Variants in KIAA1328 observed in about 807,000 individuals in gnomAD.
KIAA1328 encodes the protein protein hinderin.
KIAA1328 carries 52 observed loss-of-function variants against 68.1 expected under a neutral mutation model. That is an observed-to-expected ratio of 0.76 (90% CI 0.61 to 0.96). The LOEUF is 0.96. Among genes scored for constraint, KIAA1328 ranks in the 40% least tolerant of loss-of-function variants. The pLI, the probability that KIAA1328 is intolerant of heterozygous loss-of-function variation, is 0.00. For missense variants in KIAA1328, 641 were observed against 677.6 expected, an observed-to-expected ratio of 0.95 and a Z score of 0.60; for synonymous variants, 232 against 239.4, an observed-to-expected ratio of 0.97 and a Z score of 0.28.
intron 6 of KIAA1328, among the ~76,000 whole-genome samples, chr18:36,973,807 GCACATACACACACACACA>G (rs1416109399): frequency 1.2e-5 from 1 of 85,418 alleles, no homozygotes; most frequent in African/African-American, 3.9e-5. Flanking sequence ...TTGTGTGTAC[GCACATACACACACACACA>G]CACATACACA....
chr18:36,987,682 G>A (rs933149946), intron 6 of KIAA1328, among the ~76,000 whole-genome samples: 4 of 151,930 alleles, frequency 2.6e-5, no homozygotes, highest in Non-Finnish European at 5.9e-5. Context: ...GGGGACACAA[G>A]GAGACTTTTA....
chr18:37,088,297 C>G (rs1360108612), intron 7 of KIAA1328, among the ~76,000 whole-genome samples: 1 of 152,056 alleles, frequency 6.6e-6, no homozygotes, highest in Non-Finnish European at 1.5e-5. Flanking sequence ...TATTAATTTT[C>G]AGTGGTTTTA....
chr18:37,028,352 C>T (rs1401489232), intron 6 of KIAA1328, among the ~76,000 whole-genome samples: 1 of 152,012 alleles, frequency 6.6e-6, no homozygotes, highest in Non-Finnish European at 1.5e-5. Context: ...TGTTGGTGAA[C>T]AGAAATGCTA....
At chr18:37,155,124 G>T (rs79170367) in intron 7 of KIAA1328, among the ~76,000 whole-genome samples, 1 of 151,770 alleles carries the variant, frequency 6.6e-6, no homozygotes. Context: ...TTTCTATTTC[G>T]AATTCCCTCA....
intron 7 of KIAA1328, among the ~76,000 whole-genome samples, chr18:37,156,856 A>T (rs989908735): frequency 1.3e-5 from 2 of 152,214 alleles, no homozygotes; most frequent in Admixed American, 6.5e-5. Flanking sequence ...TTTGGCAAGC[A>T]CTGTGAACTA....
intron 6 of KIAA1328, among the ~76,000 whole-genome samples, chr18:36,989,758 G>A (rs371628972): frequency 6.6e-6 from 1 of 151,912 alleles, no homozygotes. Context: ...GCAGTGGCAC[G>A]ATCTCGGCTC....
At chr18:37,011,960 A>C (rs1283574563) in intron 6 of KIAA1328, among the ~76,000 whole-genome samples, 3 of 152,170 alleles carry the variant, frequency 2.0e-5, no homozygotes, top group Non-Finnish European at 4.4e-5. Flanking sequence ...AATTTAGAAA[A>C]AGAAAAAAAA....
intron 7 of KIAA1328, among the ~76,000 whole-genome samples, chr18:37,093,642 G>A (rs543419085): frequency 4.6e-5 from 7 of 152,322 alleles, no homozygotes; most frequent in Non-Finnish European, 1.0e-4. Flanking sequence ...CCTATGTGAT[G>A]TATAGGGCCA....
At chr18:36,878,371 C>T (rs1375544826) in intron 4 of KIAA1328, among the ~76,000 whole-genome samples, 1 of 152,178 alleles carries the variant, frequency 6.6e-6, no homozygotes, top group East Asian at 1.9e-4. Flanking sequence ...AGGGTTTCTG[C>T]AGAAAGATCC....
At chr18:37,095,040 T>C (rs1353374190) in intron 7 of KIAA1328, among the ~76,000 whole-genome samples, 2 of 151,692 alleles carry the variant, frequency 1.3e-5, no homozygotes, top group African/African-American at 4.8e-5. Context: ...GCTATAACAA[T>C]GGTAAATACA....
chr18:37,101,291 AC>A (rs1308281134), intron 7 of KIAA1328, among the ~76,000 whole-genome samples: 1 of 152,212 alleles, frequency 6.6e-6, no homozygotes, highest in Non-Finnish European at 1.5e-5. Context: ...CAAATGGCTA[AC>A]TAGAATAACC....
intron 7 of KIAA1328, among the ~76,000 whole-genome samples, chr18:37,121,873 A>ATG (rs2058281330): frequency 6.6e-6 from 1 of 152,032 alleles, no homozygotes; most frequent in Non-Finnish European, 1.5e-5. Flanking sequence ...GAGAATGTGT[A>ATG]TGTGTGTGTG....
intron 6 of KIAA1328, among the ~76,000 whole-genome samples, chr18:37,033,614 A>C (rs1017987487): frequency 6.6e-6 from 1 of 152,188 alleles, no homozygotes; most frequent in Non-Finnish European, 1.5e-5. Flanking sequence ...CCCTGGTAAC[A>C]ACAATTTTCT....
chr18:37,066,373 T>C (rs1051503254), intron 6 of KIAA1328, among the ~76,000 whole-genome samples: 1 of 152,226 alleles, frequency 6.6e-6, no homozygotes, highest in Non-Finnish European at 1.5e-5. Flanking sequence ...TGGTTGGTTT[T>C]ATCTGTGTTC....
chr18:37,224,852 AC>A lies in KIAA1328; in HGVS notation c.*2627del. On this transcript the variant is annotated 3_prime_UTR_variant, in exon 10 of 10. Transcript: ENST00000280020. ...GCTGCCCAACTCCTGTGAGAGAAAA[AC>A]CAATCAATGTTTACAAAATGGAAAA... The A allele has an allele frequency of 1.0e-6, 1 of 985,468 alleles. No homozygotes were observed. The highest frequency in any genetic ancestry group is 1.2e-6 in the Non-Finnish European group (1 of 829,976). The allele number at this position is 985,468 out of a possible 1,614,324, so 61.0% of individuals were successfully genotyped here.
chr18:37,174,732 T>G (rs1197206134), intron 9 of KIAA1328, among the ~76,000 whole-genome samples: 1 of 152,040 alleles, frequency 6.6e-6, no homozygotes, highest in East Asian at 1.9e-4. Context: ...TAGCTGGGAC[T>G]GCAGGTGCAC....
intron 4 of KIAA1328, among the ~76,000 whole-genome samples, chr18:36,849,157 G>A (rs769016274): frequency 1.3e-5 from 2 of 151,752 alleles, no homozygotes; most frequent in Admixed American, 6.6e-5. Flanking sequence ...TCTGTGAAAC[G>A]CAATGTGCAT....
chr18:36,907,809 G>T (rs573540032), intron 5 of KIAA1328, among the ~76,000 whole-genome samples: 7 of 152,214 alleles, frequency 4.6e-5, no homozygotes, highest in African/African-American at 1.7e-4. Context: ...GCAAGAGTTT[G>T]TATAGAATGA....
intron 6 of KIAA1328, among the ~76,000 whole-genome samples, chr18:36,998,207 G>A (rs2053464805): frequency 6.6e-6 from 1 of 152,092 alleles, no homozygotes. Flanking sequence ...CACCACCTTA[G>A]GCAGCCAAGC....
Sources: allele counts gnomAD v4.1 joint callset (sites outside exome capture counted in the v4.1 genomes callset), GRCh38; gene constraint gnomAD v4.1.1; transcripts MANE v1.5; gene names NCBI Gene and HGNC (gene_info 2026-07-23, HGNC 2026-07-21).